The following COL4A6 variants were observed in gnomAD, a reference collection of about 807,000 sequenced individuals.
COL4A6 encodes collagen type IV alpha 6 chain, also known as collagen alpha-6(IV) chain.
A neutral mutation model predicts 126.7 loss-of-function variants in COL4A6; 59 were observed. That is an observed-to-expected ratio of 0.47 (90% CI 0.38 to 0.58). COL4A6 has a LOEUF of 0.58. Among genes scored for constraint, COL4A6 ranks in the 20% least tolerant of loss-of-function variants. COL4A6 has a pLI of 0.00. For synonymous variants in COL4A6, 547 were observed against 496.6 expected, an observed-to-expected ratio of 1.10 and a Z score of -1.35; for missense variants, 1,285 against 1,337.3, an observed-to-expected ratio of 0.96 and a Z score of 0.61.
At chrX:108,376,406 C>T (rs745448525) in intron 2 of COL4A6, among the ~76,000 whole-genome samples, 5 of 109,363 alleles carry the variant, frequency 4.6e-5, no homozygotes, top group Admixed American at 2.9e-4. Context: ...ACCAGCCTGG[C>T]CAACATGGTA....
At chrX:108,188,703 G>A (rs760527112) in intron 20 of COL4A6, 26 bp from the exon 21 acceptor site, 11 of 1,092,240 alleles carry the variant, frequency 1.0e-5, no homozygotes, top group East Asian at 3.3e-5. Context: ...AACATAGAAC[G>A]AAGTGGGTCA....
chrX:108,409,258 G>A (rs1473064770), intron 2 of COL4A6, among the ~76,000 whole-genome samples: 1 of 111,923 alleles, frequency 8.9e-6, no homozygotes, highest in Non-Finnish European at 1.9e-5. Context: ...AGTATGTGAG[G>A]AGATGAATCT....
chrX:108,316,402 T>C (rs1453201032), intron 2 of COL4A6, among the ~76,000 whole-genome samples: 1 of 111,949 alleles, frequency 8.9e-6, no homozygotes, highest in Admixed American at 9.5e-5. Flanking sequence ...ACATACATAT[T>C]TGTCAGTTGA....
At chrX:108,377,556 C>CT (rs199647476) in intron 2 of COL4A6, among the ~76,000 whole-genome samples, 337 of 86,378 alleles carry the variant, frequency 3.9e-3, no homozygotes, top group Admixed American at 7.8e-3. Flanking sequence ...AAAAAAATTT[C>CT]TTTTTTTTTT....
At chrX:108,313,117 T>C (rs1434559975) in intron 2 of COL4A6, among the ~76,000 whole-genome samples, 3 of 112,511 alleles carry the variant, frequency 2.7e-5, no homozygotes, top group Non-Finnish European at 5.6e-5. Context: ...ATGCCAGCCC[T>C]GGCAGTTTCC....
intron 20 of COL4A6, among the ~76,000 whole-genome samples, chrX:108,189,398 T>C (rs1239599660): frequency 8.9e-6 from 1 of 112,029 alleles, no homozygotes; most frequent in Non-Finnish European, 1.9e-5. Context: ...CCAGACCAAA[T>C]AATCTAATTT....
intron 31 of COL4A6, 46 bp from the exon 32 acceptor site, chrX:108,172,578 C>G (rs905957089): frequency 2.3e-5 from 24 of 1,048,080 alleles, no homozygotes; most frequent in Non-Finnish European, 3.2e-5. Context: ...GAGCTCAGGA[C>G]TGCCCACCCT....
intron 3 of COL4A6, among the ~76,000 whole-genome samples, chrX:108,249,346 G>C (rs2036793287): frequency 9.1e-6 from 1 of 110,414 alleles, no homozygotes; most frequent in African/African-American, 3.3e-5. Context: ...TAATTATAAG[G>C]CTATTGACTG....
chrX:108,235,457 T>C (rs1221753886), intron 3 of COL4A6, among the ~76,000 whole-genome samples: 1 of 111,369 alleles, frequency 9.0e-6, no homozygotes, highest in Non-Finnish European at 1.9e-5. Flanking sequence ...ACTAGACTGT[T>C]AGCAACCTCA....
At chrX:108,184,819 A>G (rs2034803708) in intron 23 of COL4A6, among the ~76,000 whole-genome samples, 1 of 112,538 alleles carries the variant, frequency 8.9e-6, no homozygotes, top group Non-Finnish European at 1.9e-5. Context: ...GTTTGGGATA[A>G]AAATGGTCCT....
At chrX:108,242,904 G>C (rs955390452) in intron 3 of COL4A6, among the ~76,000 whole-genome samples, 16 of 111,300 alleles carry the variant, frequency 1.4e-4, no homozygotes, top group Non-Finnish European at 2.3e-4. Context: ...CAATCCCATA[G>C]CATATAAAAA....
intron 21 of COL4A6, 42 bp downstream of exon 21, chrX:108,188,475 G>C: frequency 9.4e-7 from 1 of 1,064,806 alleles, no homozygotes. Context: ...GCACTTGAAA[G>C]ATTCCATTGC....
At chrX:108,174,390 G>T in intron 31 of COL4A6, 50 bp downstream of exon 31, 2 of 1,161,531 alleles carry the variant, frequency 1.7e-6, no homozygotes, top group African/African-American at 1.8e-5. Flanking sequence ...ATATCCCCGT[G>T]AGATGGGGGG....
At chrX:108,289,481 T>C (rs2038102684) in intron 3 of COL4A6, among the ~76,000 whole-genome samples, 1 of 111,389 alleles carries the variant, frequency 9.0e-6, no homozygotes. Flanking sequence ...TTTCTGAAGG[T>C]TTGAAAATGT....
chrX:108,402,789 G>T (rs892910321), intron 2 of COL4A6, among the ~76,000 whole-genome samples: 8 of 110,766 alleles, frequency 7.2e-5, no homozygotes, highest in Non-Finnish European at 1.5e-4. Context: ...ACGTCATATG[G>T]TTAGAAAACA....
chrX:108,343,149 ATATATATATATATATAGTGTGT>A (rs1396446141), intron 2 of COL4A6, among the ~76,000 whole-genome samples: 1 of 74,950 alleles, frequency 1.3e-5, no homozygotes, highest in Non-Finnish European at 2.6e-5. Flanking sequence ...ATATATATAT[ATATATATATATATATAGTGTGT>A]GTGTGTGTGT....
chrX:108,371,856 G>GAAAAAAAAAAAAA (rs34557947), intron 2 of COL4A6, among the ~76,000 whole-genome samples: 1 of 50,613 alleles, frequency 2.0e-5, no homozygotes, highest in Non-Finnish European at 3.6e-5. Flanking sequence ...CAATATGAAG[G>GAAAAAAAAAAAAA]AAAAAAAAAA....
At position 108,204,352 on chromosome X, in the gene COL4A6, T is replaced by C. The variant is rs771974140; in HGVS notation, c.748A>G (p.Met250Val). 8.3e-7 allele frequency: 1 copy of C among 1,203,294 alleles called. No individual in the cohort carries two copies. The highest frequency in any genetic ancestry group is 3.0e-5 in the East Asian group (1 of 33,708). ...CCTTTCTTCCCTTTGGGGAATCCCA[T>C]GAATTCCAGCTCTCCAGTAGATGGT... ...PPPSTGELEF[M>V]GFPKGKKGSK... The change falls in exon 12 of 45, where the codon ATG becomes GTG. Residue 250 changes from methionine to valine, a missense_variant. Physicochemically the swap from Met to Val is conservative, Grantham distance 21. Coordinates refer to ENST00000334504, the MANE Select transcript of COL4A6 (RefSeq NM_033641.4).
intron 2 of COL4A6, among the ~76,000 whole-genome samples, chrX:108,410,672 G>A (rs1397204691): frequency 6.3e-5 from 7 of 110,862 alleles, no homozygotes; most frequent in East Asian, 2.8e-4. Context: ...TGTTATGGCC[G>A]TAAGAACATC....
Sources: allele counts gnomAD v4.1 joint callset (sites outside exome capture counted in the v4.1 genomes callset), GRCh38; gene constraint gnomAD v4.1.1; transcripts MANE v1.5; gene names NCBI Gene and HGNC (gene_info 2026-07-23, HGNC 2026-07-21).